Variants in FSTL4 observed in about 807,000 individuals in gnomAD.
The protein encoded by FSTL4 is follistatin like 4, also known as follistatin-related protein 4.
FSTL4 carries 28 observed loss-of-function variants against 78.2 expected under a neutral mutation model. That is an observed-to-expected ratio of 0.36 (90% CI 0.27 to 0.49). The LOEUF (loss-of-function observed/expected upper bound fraction) is 0.49. FSTL4 is among the 20% of genes least tolerant of loss of function. FSTL4 has a pLI of 0.98. For synonymous variants in FSTL4, 422 were observed against 440.5 expected, an observed-to-expected ratio of 0.96 and a Z score of 0.53; for missense variants, 922 against 1,084.9, an observed-to-expected ratio of 0.85 and a Z score of 2.11.
rs543252956 is a variant in FSTL4 at position 133,446,831 on chromosome 5, G to T, written c.161-45845C>A. ...CTCCCCGGTCCTCCCCAGCTCTGTG[G>T]CTCCACTCATCCTGTCCCCTCTGTG... On this transcript the variant is annotated intron_variant, in intron 3 of 15. Coordinates refer to ENST00000265342, the MANE Select transcript of FSTL4 (RefSeq NM_015082.2). Among the ~76,000 whole-genome samples, 292 of 152,270 alleles carry T rather than the reference G, an allele frequency of 1.9e-3. 2 individuals carry two copies. Among genetic ancestry groups the T allele is most frequent in the Non-Finnish European group, 3.8e-3 (257 of 68,022 alleles).
the FSTL4 span, among the ~76,000 whole-genome samples, chr5:133,646,550 T>C: frequency 6.6e-6 from 1 of 151,996 alleles, no homozygotes; most frequent in African/African-American, 2.4e-5. Flanking sequence ...TGGAGGGAAA[T>C]TGAGAGAGAG....
the FSTL4 span, among the ~76,000 whole-genome samples, chr5:133,786,380 C>T: frequency 7.9e-5 from 12 of 152,200 alleles, no homozygotes; most frequent in Non-Finnish European, 1.2e-4. Flanking sequence ...ATAATTTATG[C>T]CCCTTATGCA....
intron 3 of FSTL4, among the ~76,000 whole-genome samples, chr5:133,518,192 T>C (rs538825082): frequency 3.4e-4 from 52 of 152,362 alleles, no homozygotes; most frequent in African/African-American, 1.2e-3. Flanking sequence ...TTATCAGGCC[T>C]ACCATAAACA....
At chr5:133,656,142 G>A in the FSTL4 span, among the ~76,000 whole-genome samples, 2 of 152,126 alleles carry the variant, frequency 1.3e-5, no homozygotes, top group East Asian at 1.9e-4. Flanking sequence ...TTATTTAAGA[G>A]GTACATCTCA....
At chr5:133,486,075 C>T (rs1758126611) in intron 3 of FSTL4, among the ~76,000 whole-genome samples, 1 of 152,082 alleles carries the variant, frequency 6.6e-6, no homozygotes, top group Admixed American at 6.5e-5. Flanking sequence ...AACATGTGGC[C>T]TTCATGCGAC....
chr5:133,705,572 C>A, the FSTL4 span, among the ~76,000 whole-genome samples: 2 of 152,114 alleles, frequency 1.3e-5, no homozygotes, highest in African/African-American at 4.8e-5. Context: ...CCCTGACAAC[C>A]ACAAGACCCA....
chr5:133,438,886 T>C (rs984006927), intron 3 of FSTL4, among the ~76,000 whole-genome samples: 1 of 152,166 alleles, frequency 6.6e-6, no homozygotes, highest in African/African-American at 2.4e-5. Flanking sequence ...AGAAACAACT[T>C]GCATTATATA....
intron 3 of FSTL4, among the ~76,000 whole-genome samples, chr5:133,451,158 G>A (rs1441975057): frequency 6.6e-6 from 1 of 152,202 alleles, no homozygotes; most frequent in African/African-American, 2.4e-5. Flanking sequence ...ATTGATTTAG[G>A]CAGGCAGGGT....
chr5:133,600,127 C>T (rs80169566), intron 2 of FSTL4, among the ~76,000 whole-genome samples: 5,497 of 152,224 alleles, frequency 0.036, 327 homozygotes, highest in African/African-American at 0.12. Context: ...CAGTAGAAAT[C>T]GTACTTTTAA....
chr5:133,828,472 T>G, the FSTL4 span, among the ~76,000 whole-genome samples: 1 of 152,354 alleles, frequency 6.6e-6, no homozygotes, highest in East Asian at 1.9e-4. Flanking sequence ...TTTTAAAAAC[T>G]GTACAAATGC....
intron 3 of FSTL4, among the ~76,000 whole-genome samples, chr5:133,402,563 A>G (rs916187342): frequency 6.6e-6 from 1 of 152,122 alleles, no homozygotes; most frequent in Admixed American, 6.5e-5. Flanking sequence ...GGTCCTACCC[A>G]TGGGATTAAA....
the FSTL4 span, among the ~76,000 whole-genome samples, chr5:133,740,495 C>A: frequency 6.6e-6 from 1 of 152,208 alleles, no homozygotes; most frequent in Non-Finnish European, 1.5e-5. Flanking sequence ...TGTTGTTGAC[C>A]TGCTGATTGA....
chr5:133,625,740 TATATTCC>T, the FSTL4 span, among the ~76,000 whole-genome samples: 2 of 113,674 alleles, frequency 1.8e-5, no homozygotes, highest in African/African-American at 8.4e-5. Context: ...TATATATATA[TATATTCC>T]ATATATATAT....
At chr5:133,470,965 T>G (rs1757815751) in intron 3 of FSTL4, among the ~76,000 whole-genome samples, 1 of 151,884 alleles carries the variant, frequency 6.6e-6, no homozygotes, top group South Asian at 2.1e-4. Context: ...TCACATGCAA[T>G]TAAGATTTTT....
the FSTL4 span, among the ~76,000 whole-genome samples, chr5:133,813,427 A>C: frequency 1.1e-3 from 161 of 152,254 alleles, no homozygotes; most frequent in African/African-American, 3.8e-3. Context: ...GAACATCTCA[A>C]TTTGGACTAG....
chr5:133,273,792 A>G (rs1220041841), intron 6 of FSTL4, among the ~76,000 whole-genome samples: 1 of 152,114 alleles, frequency 6.6e-6, no homozygotes, highest in African/African-American at 2.4e-5. Context: ...CTCCAGGGAT[A>G]ACAGGGAGCT....
the FSTL4 span, among the ~76,000 whole-genome samples, chr5:133,675,491 A>C: frequency 0.16 from 24,870 of 152,162 alleles, 2,112 homozygotes; most frequent in Admixed American, 0.22. Flanking sequence ...CAAGCCACTC[A>C]CCACTCTGCC....
chr5:133,522,088 T>C (rs1758993165), intron 3 of FSTL4, among the ~76,000 whole-genome samples: 1 of 152,102 alleles, frequency 6.6e-6, no homozygotes. Flanking sequence ...CAGTGACATA[T>C]AGCTGTGGGG....
chr5:133,692,104 A>T, the FSTL4 span, among the ~76,000 whole-genome samples: 1 of 152,230 alleles, frequency 6.6e-6, no homozygotes, highest in Non-Finnish European at 1.5e-5. Context: ...AGTGATGGGA[A>T]GCTGCCCTGA....
Sources: allele counts gnomAD v4.1 joint callset (sites outside exome capture counted in the v4.1 genomes callset), GRCh38; gene constraint gnomAD v4.1.1; transcripts MANE v1.5; gene names NCBI Gene and HGNC (gene_info 2026-07-23, HGNC 2026-07-21).